DNASE1L3: variants seen among roughly 807,000 people sequenced by gnomAD.
DNASE1L3 encodes deoxyribonuclease gamma.
Under a neutral mutation model 30.9 loss-of-function variants are expected in DNASE1L3, and 27 were observed. The ratio of observed to expected loss-of-function variants is 0.87; its 90% confidence interval spans 0.64 to 1.20. DNASE1L3 has a LOEUF of 1.20. Among genes scored for constraint, DNASE1L3 ranks in the 50% most tolerant of loss-of-function variants. The probability of loss-of-function intolerance (pLI) is 0.00; values close to 1 mark genes in which losing one functional copy is unlikely to be tolerated. For missense variants in DNASE1L3, 364 were observed against 378.2 expected (o/e 0.96, Z 0.31); for synonymous variants, 135 against 138.0 (o/e 0.98, Z 0.15).
chr3:58,205,876 T>C (rs770683467), intron 2 of DNASE1L3, among the ~76,000 whole-genome samples: 10 of 152,236 alleles, frequency 6.6e-5, no homozygotes, highest in Non-Finnish European at 1.2e-4. Flanking sequence ...CTTTGGCCTG[T>C]ACCTGTGGGA....
chr3:58,203,236 TCTC>T (rs941898860), intron 4 of DNASE1L3, among the ~76,000 whole-genome samples: 2 of 152,030 alleles, frequency 1.3e-5, no homozygotes, highest in African/African-American at 4.8e-5. Flanking sequence ...CATTGCCAGC[TCTC>T]CTCCTCAGGC....
chr3:58,196,356 A>G lies in DNASE1L3; in HGVS notation c.704+1465T>C, dbSNP rs1257086165. On this transcript the variant is annotated intron_variant, in intron 6 of 7. Coordinates refer to ENST00000394549, the MANE Select transcript of DNASE1L3 (RefSeq NM_004944.4). ...TCAAGAAATCAAGACCATCCTGGGT[A>G]ACATGGTGAAACCCTGTCTCTACTA... is the stretch of plus-strand genomic sequence containing the variant. 2.6e-5 allele frequency among the ~76,000 whole-genome samples: 4 copies of G among 151,562 alleles called. No homozygotes were observed. The South Asian group carries it at 8.4e-4, about 32-fold the overall frequency.
intron 2 of DNASE1L3, 185 bp downstream of exon 2, chr3:58,208,033 A>G: frequency 3.8e-6 from 2 of 522,986 alleles, no homozygotes; most frequent in Non-Finnish European, 6.8e-6. Flanking sequence ...CTATTTTATC[A>G]CAGTAAAATC....
At chr3:58,203,015 T>A (rs2097401777) in intron 4 of DNASE1L3, among the ~76,000 whole-genome samples, 2 of 152,170 alleles carry the variant, frequency 1.3e-5, no homozygotes, top group African/African-American at 4.8e-5. Flanking sequence ...AGTGTGGCAA[T>A]GTGCGCGAGC....
chr3:58,196,918 G>T (rs893791945), intron 6 of DNASE1L3, among the ~76,000 whole-genome samples: 1 of 152,196 alleles, frequency 6.6e-6, no homozygotes. Context: ...TGCACTAATT[G>T]GTCTCATTTT....
rs140654958 is a variant in DNASE1L3, at chr3:58,201,020, C to T, written c.523G>A (p.Val175Met). Reference protein sequence around the residue: ...IDELVEVYTDVKHRWKAENFI... With the variant: ...IDELVEVYTDMKHRWKAENFI... ...ACCTCCGCCTTCCAGCGGTGTTTCACGTCCGTGTAGACCTCAACCAACTCA... is the reference window on the plus strand; with the variant it reads ...ACCTCCGCCTTCCAGCGGTGTTTCATGTCCGTGTAGACCTCAACCAACTCA... Residue 175 changes from valine (V) to methionine (M), a missense_variant, in exon 5 of 8, where the codon GTG (valine) becomes ATG (methionine). Physicochemically the swap from Val to Met is conservative, Grantham distance 21 (BLOSUM62 1). Coordinates refer to ENST00000394549, the MANE Select transcript of DNASE1L3 (RefSeq NM_004944.4). 1.9e-6 allele frequency: 3 copies of T among 1,612,588 alleles called. No homozygotes were observed. Among genetic ancestry groups the T allele is most frequent in the Non-Finnish European group, 1.7e-6 (2 of 1,179,100 alleles).
chr3:58,203,258 C>T (rs1016506789), intron 4 of DNASE1L3, among the ~76,000 whole-genome samples: 9 of 152,312 alleles, frequency 5.9e-5, no homozygotes, highest in African/African-American at 2.2e-4. Flanking sequence ...GCCTCCACTG[C>T]ACTCCTCCAT....
intron 4 of DNASE1L3, 80 bp from the exon 5 acceptor site, chr3:58,201,189 T>G (rs1575497632): frequency 9.3e-7 from 1 of 1,080,690 alleles, no homozygotes; most frequent in Non-Finnish European, 1.3e-6. Flanking sequence ...AAACCAGCTG[T>G]CCCCTCCAGA....
intron 4 of DNASE1L3, among the ~76,000 whole-genome samples, chr3:58,203,020 G>A (rs983749419): frequency 2.6e-5 from 4 of 152,120 alleles, no homozygotes; most frequent in East Asian, 1.9e-4. Context: ...GGCAATGTGC[G>A]CGAGCCTCAG....
At chr3:58,205,583 T>C in intron 2 of DNASE1L3, 23 bp from the exon 3 acceptor site, 1 of 1,587,660 alleles carries the variant, frequency 6.3e-7, no homozygotes, top group Non-Finnish European at 8.6e-7. Flanking sequence ...GATTTAACAC[T>C]GCATCTTGAA....
chr3:58,199,666 G>GAA (rs558550386), intron 5 of DNASE1L3, among the ~76,000 whole-genome samples: 5 of 118,268 alleles, frequency 4.2e-5, no homozygotes, highest in Admixed American at 8.6e-5. Context: ...TTCATCTCAA[G>GAA]AAAAAAAAAA....
chr3:58,201,595 G>A (rs61072144), intron 4 of DNASE1L3, among the ~76,000 whole-genome samples: 22,953 of 152,168 alleles, frequency 0.15, 2,032 homozygotes, highest in East Asian at 0.3. Flanking sequence ...ATTCCAGCTC[G>A]CAGGCACATT....
At chr3:58,205,954 G>A (rs1035599231) in intron 2 of DNASE1L3, among the ~76,000 whole-genome samples, 2 of 152,214 alleles carry the variant, frequency 1.3e-5, no homozygotes, top group African/African-American at 4.8e-5. Flanking sequence ...GCCCATGGCT[G>A]CAGCTGCAGC....
chr3:58,204,425 G>C (rs768051200), intron 4 of DNASE1L3, among the ~76,000 whole-genome samples: 1 of 152,072 alleles, frequency 6.6e-6, no homozygotes, highest in African/African-American at 2.4e-5. Context: ...ACAGCCATGC[G>C]CCACCGCACC....
At position 58,201,017 on chromosome 3, in the gene DNASE1L3, T is replaced by C; in HGVS notation, c.526A>G (p.Lys176Glu). 6.2e-7 allele frequency: 1 copy of C among 1,612,434 alleles called. No individual in the cohort carries two copies. Among genetic ancestry groups the C allele is most frequent in the Non-Finnish European group, 8.5e-7 (1 of 1,179,034 alleles). Residue 176 changes from lysine to glutamate, a missense_variant, in exon 5 of 8, where the codon AAA (lysine) becomes GAA (glutamate). Transcript: ENST00000394549. ...CTCACCTCCGCCTTCCAGCGGTGTTTCACGTCCGTGTAGACCTCAACCAAC... is the reference window on the plus strand; with the variant it reads ...CTCACCTCCGCCTTCCAGCGGTGTTCCACGTCCGTGTAGACCTCAACCAAC... ...DELVEVYTDV[K>E]HRWKAENFIF...
Position 58,192,460 on chromosome 3 carries a change from G to C in DNASE1L3, c.*227C>G, listed in dbSNP as rs971263886. On this transcript the variant is annotated 3_prime_UTR_variant, in exon 8 of 8. Transcript: ENST00000394549. This position sits in a 1 kb window ranked among gnomAD's most constrained non-coding sequence, Gnocchi z 4.8. ...CTCAGGGCATGAAGATCATCATTTT[G>C]GTCTACAAATGCCCCTGGTTCCCTT... 1 of 378,430 alleles carries C rather than the reference G, an allele frequency of 2.6e-6. No individual in the cohort carries two copies. Among genetic ancestry groups the C allele is most frequent in the African/African-American group, 2.1e-5 (1 of 47,588 alleles). The allele number at this position is 378,430 out of a possible 1,614,324, so 23.4% of individuals were successfully genotyped here.
At chr3:58,196,196 G>C (rs1248966829) in intron 6 of DNASE1L3, among the ~76,000 whole-genome samples, 2 of 151,990 alleles carry the variant, frequency 1.3e-5, no homozygotes, top group Non-Finnish European at 1.5e-5. Context: ...CCCGCCTTGG[G>C]TTCCCACTTT....
intron 6 of DNASE1L3, among the ~76,000 whole-genome samples, chr3:58,196,552 A>T (rs1292627549): frequency 4.0e-5 from 1 of 25,040 alleles, no homozygotes; most frequent in African/African-American, 1.3e-4. Context: ...GACTCTGTCT[A>T]AAAAAAAAAA....
rs76932186 is a variant in DNASE1L3, at chr3:58,207,544, A to G, written c.230+674T>C. ...TGGAAACACAAACACACCCTTATTC[A>G]TGTAACATGATGACTCAAATGGGCT... is the stretch of plus-strand genomic sequence containing the variant. On this transcript the variant is annotated intron_variant, in intron 2 of 7. Transcript: ENST00000394549. Among the ~76,000 whole-genome samples the G allele has an allele frequency of 5.1e-3, 762 of 149,884 alleles. 5 individuals carry two copies. Among genetic ancestry groups the G allele is most frequent in the Non-Finnish European group, 7.3e-3 (491 of 67,608 alleles).
Sources: allele counts gnomAD v4.1 joint callset (sites outside exome capture counted in the v4.1 genomes callset), GRCh38; gene constraint gnomAD v4.1.1; non-coding constraint Gnocchi (gnomAD v3.1); transcripts MANE v1.5; gene names NCBI Gene and HGNC (gene_info 2026-07-23, HGNC 2026-07-21).